LRRC7: variants seen among roughly 807,000 people sequenced by gnomAD.
The protein encoded by LRRC7 is leucine-rich repeat-containing protein 7.
In LRRC7, 23 loss-of-function variants were observed where a neutral mutation model predicts 175.7. The ratio of observed to expected loss-of-function variants is 0.13; its 90% confidence interval spans 0.09 to 0.19. LRRC7 has a LOEUF of 0.19. Among genes scored for constraint, LRRC7 ranks in the 10% least tolerant of loss-of-function variants. The pLI is 1.00. For missense variants in LRRC7, 1,354 were observed against 1,904.7 expected, an observed-to-expected ratio of 0.71 and a Z score of 5.38; for synonymous variants, 685 against 680.9, an observed-to-expected ratio of 1.01 and a Z score of -0.09.
At chr1:69,915,016 C>G (rs1349756759) in intron 7 of LRRC7, among the ~76,000 whole-genome samples, 1 of 152,152 alleles carries the variant, frequency 6.6e-6, no homozygotes, top group Non-Finnish European at 1.5e-5. Context: ...ATTCAGATGA[C>G]TGGCCAGTGC....
At chr1:70,020,712 T>C (rs1372120667) in intron 15 of LRRC7, 3 of 179,268 alleles carry the variant, frequency 1.7e-5, no homozygotes, top group Non-Finnish European at 3.5e-5. Context: ...GGTCTAACTC[T>C]CTATATTATT....
chr1:69,584,713 C>A (rs536754836), intron 1 of LRRC7, among the ~76,000 whole-genome samples: 2 of 152,222 alleles, frequency 1.3e-5, no homozygotes, highest in East Asian at 3.9e-4. Context: ...TTTGCAATTT[C>A]TTTTGAGATA....
chr1:70,039,144 A>G lies in LRRC7; in HGVS notation c.3320A>G (p.Asp1107Gly). Residue 1107 changes from aspartate to glycine, a missense_variant, in exon 21 of 27, where the codon GAT becomes GGT. By Grantham distance (94) the Asp-to-Gly change is moderately conservative. Transcript: ENST00000651989. ...CAGGCCAGCAAAAACATCGCCAAGG[A>G]TTTGATTAGTCCTAGAGCTTACAGA... Reference protein sequence around the residue: ...VQQASKNIAKDLISPRAYRGY... With the variant: ...VQQASKNIAKGLISPRAYRGY... 6.2e-7 allele frequency: 1 copy of G among 1,614,102 alleles called. No homozygotes were observed. Among genetic ancestry groups the G allele is most frequent in the South Asian group, 1.1e-5 (1 of 91,086 alleles).
chr1:69,951,073 A>C (rs1056741042), intron 8 of LRRC7, among the ~76,000 whole-genome samples: 1 of 151,884 alleles, frequency 6.6e-6, no homozygotes, highest in Admixed American at 6.6e-5. Context: ...TCCAGCATCT[A>C]TAAGGAACTT....
At chr1:69,826,875 G>A (rs1679971905) in intron 5 of LRRC7, among the ~76,000 whole-genome samples, 1 of 152,064 alleles carries the variant, frequency 6.6e-6, no homozygotes, top group Non-Finnish European at 1.5e-5. Flanking sequence ...AGTGAAAGTG[G>A]TTCTCTATGG....
At chr1:69,667,803 A>G (rs1658485730) in intron 1 of LRRC7, among the ~76,000 whole-genome samples, 1 of 152,124 alleles carries the variant, frequency 6.6e-6, no homozygotes, top group Non-Finnish European at 1.5e-5. Flanking sequence ...ATTTATATTC[A>G]ATGTTATTAT....
chr1:69,685,783 AGGAGTAT>A (rs1403664928), intron 2 of LRRC7, among the ~76,000 whole-genome samples: 1 of 152,024 alleles, frequency 6.6e-6, no homozygotes, highest in East Asian at 1.9e-4. Context: ...GGAGAGGAGA[AGGAGTAT>A]GGGACAGAAA....
At chr1:70,053,948 A>T (rs941819586) in intron 23 of LRRC7, among the ~76,000 whole-genome samples, 1 of 152,170 alleles carries the variant, frequency 6.6e-6, no homozygotes. Context: ...CATTTACTAG[A>T]CTGGCAAAAA....
chr1:69,891,100 A>T (rs1162169306), intron 7 of LRRC7, among the ~76,000 whole-genome samples: 1 of 152,230 alleles, frequency 6.6e-6, no homozygotes, highest in African/African-American at 2.4e-5. Flanking sequence ...TTGAATTTAC[A>T]ACTTGGCTAA....
chr1:69,781,328 C>G (rs1035429308), intron 3 of LRRC7, among the ~76,000 whole-genome samples: 1 of 151,872 alleles, frequency 6.6e-6, no homozygotes, highest in Non-Finnish European at 1.5e-5. Flanking sequence ...TGTCAGTTCT[C>G]ACCATTATCT....
rs533867240 is a variant in LRRC7, at chr1:69,680,127, G to A, written c.100+1649G>A. Among the ~76,000 whole-genome samples the A allele has an allele frequency of 4.6e-4, 70 of 152,234 alleles. 1 individual carries two copies. The East Asian group carries it at 8.7e-3, about 19-fold the overall frequency. On this transcript the variant is annotated intron_variant, in intron 2 of 26. Transcript: ENST00000651989. Reference sequence around the variant, plus strand: ...CTCCAGGCTAAGAGCAGCAGCAGCAGCAGCATCTGGGAACTTGTTAAAAAT... The same window carrying A: ...CTCCAGGCTAAGAGCAGCAGCAGCAACAGCATCTGGGAACTTGTTAAAAAT...
chr1:69,998,449 C>T (rs1044644254), intron 11 of LRRC7, among the ~76,000 whole-genome samples: 12 of 152,054 alleles, frequency 7.9e-5, no homozygotes, highest in African/African-American at 2.7e-4. Flanking sequence ...CCTCACTATA[C>T]AGTGTGTTTC....
At chr1:70,078,373 C>G (rs1662938873) in intron 24 of LRRC7, among the ~76,000 whole-genome samples, 1 of 152,148 alleles carries the variant, frequency 6.6e-6, no homozygotes, top group Non-Finnish European at 1.5e-5. Context: ...TTGTCATGTG[C>G]TCCTCTTCCC....
intron 7 of LRRC7, among the ~76,000 whole-genome samples, chr1:69,896,923 T>G (rs1330529873): frequency 6.6e-6 from 1 of 152,160 alleles, no homozygotes; most frequent in African/African-American, 2.4e-5. Flanking sequence ...ATTATTTGAC[T>G]TCTACTAGAG....
chr1:69,749,576 TG>T, intron 2 of LRRC7, among the ~76,000 whole-genome samples: 1 of 152,330 alleles, frequency 6.6e-6, no homozygotes, highest in Admixed American at 6.5e-5. Context: ...CTCAGGTTTC[TG>T]TAACATCAGC....
chr1:69,631,764 C>T lies in LRRC7; in HGVS notation c.3-46617C>T, dbSNP rs1277545578. Among the ~76,000 whole-genome samples the T allele has an allele frequency of 3.3e-5, 5 of 152,056 alleles. No homozygotes were observed. In the South Asian group the frequency reaches 6.2e-4, roughly 19 times the overall value. On this transcript the variant is annotated intron_variant, in intron 1 of 26. Transcript: ENST00000651989. ...TCTTCTACCACTTTTCCTAAAAGCC[C>T]GATCTCTACCTTTGGATCTTACTAC... is the stretch of plus-strand genomic sequence containing the variant.
At position 70,134,286 on chromosome 1, in the gene LRRC7, T is replaced by A. The variant is rs1182221412; in HGVS notation, c.*12399T>A. Among the ~76,000 whole-genome samples the A allele has an allele frequency of 6.6e-6, 1 of 152,236 alleles. No homozygotes were observed. Among genetic ancestry groups the A allele is most frequent in the Non-Finnish European group, 1.5e-5 (1 of 68,034 alleles). ...CTGGGTGCTGAAGGCAGAGAACCCC[T>A]GGCGGCCTTGGTGACATGTGTCCTC... On this transcript the variant is annotated 3_prime_UTR_variant, in exon 27 of 27. Coordinates refer to ENST00000651989, the MANE Select transcript of LRRC7 (RefSeq NM_001370785.2).
At chr1:69,825,500 T>C (rs1024310926) in intron 4 of LRRC7, among the ~76,000 whole-genome samples, 1 of 152,008 alleles carries the variant, frequency 6.6e-6, no homozygotes, top group Non-Finnish European at 1.5e-5. Flanking sequence ...TGTCCTCAAT[T>C]TTACATCCAA....
intron 4 of LRRC7, among the ~76,000 whole-genome samples, chr1:69,812,936 C>A (rs951010975): frequency 3.9e-5 from 6 of 152,110 alleles, no homozygotes; most frequent in Admixed American, 3.9e-4. Context: ...TGCAATTTAA[C>A]AAGCAATGGC....
Sources: allele counts gnomAD v4.1 joint callset (sites outside exome capture counted in the v4.1 genomes callset), GRCh38; gene constraint gnomAD v4.1.1; transcripts MANE v1.5; gene names NCBI Gene and HGNC (gene_info 2026-07-23, HGNC 2026-07-21).